CCDC88A: variants seen among roughly 807,000 people sequenced by gnomAD.
The protein encoded by CCDC88A is coiled-coil and HOOK domain protein 88A.
A neutral mutation model predicts 234.3 loss-of-function variants in CCDC88A; 54 were observed. The ratio of observed to expected loss-of-function variants is 0.23; its 90% CI spans 0.19 to 0.29. The LOEUF (loss-of-function observed/expected upper bound fraction) is 0.29, where lower values mean the gene tolerates loss of function less well. CCDC88A is among the 10% of genes least tolerant of loss of function. The pLI is 1.00. For synonymous variants in CCDC88A, 753 were observed against 737.8 expected, an observed-to-expected ratio of 1.02 and a Z score of -0.33; for missense variants, 1,832 against 2,123.4, an observed-to-expected ratio of 0.86 and a Z score of 2.70.
At chr2:55,346,591 T>C (rs1669140578) in intron 9 of CCDC88A, among the ~76,000 whole-genome samples, 1 of 152,118 alleles carries the variant, frequency 6.6e-6, no homozygotes, top group African/African-American at 2.4e-5. Flanking sequence ...GGCTAATTTT[T>C]GTATTTTTAG....
chr2:55,393,969 T>A (rs1393377968), intron 2 of CCDC88A, among the ~76,000 whole-genome samples: 3 of 152,180 alleles, frequency 2.0e-5, no homozygotes, highest in East Asian at 1.9e-4. Flanking sequence ...TTATTTTTTT[T>A]ATTTTTTTGA....
Position 55,383,710 on chromosome 2 carries a change from T to C in CCDC88A, c.273+5068A>G, listed in dbSNP as rs1054441159. ...TACATCTTCTCAGGGGCATATGACA[T>C]ACAAAAAATTTAAGTTTTCTACAGT... is the stretch of plus-strand genomic sequence containing the variant. On this transcript the variant is annotated intron_variant, in intron 3 of 32. Transcript: ENST00000436346. 4.0e-5 allele frequency among the ~76,000 whole-genome samples: 6 copies of C among 151,698 alleles called. No homozygotes were observed. In the South Asian group the frequency reaches 6.2e-4, roughly 16 times the overall value.
chr2:55,418,743 A>C, intron 2 of CCDC88A, 73 bp downstream of exon 2: 1 of 1,215,988 alleles, frequency 8.2e-7, no homozygotes, highest in Non-Finnish European at 1.2e-6. Context: ...GGGGCTTAAA[A>C]CATCGTGTCT....
In CCDC88A at chr2:55,362,425, C is replaced by T; in HGVS notation, c.510G>A (p.Val170=). Residue 170 remains valine (V), a synonymous_variant, in exon 7 of 33, where the codon GTG becomes GTA. Transcript: ENST00000436346. ...TCACTTCCATCCATTGCAGGTCAAA[C>T]ACATTTTCCTGATTATGAGTTACCT... is the stretch of plus-strand genomic sequence containing the variant. ...IQEVTHNQEN[V]FDLQWMEVTD... is the part of the protein sequence containing the mutation. The T allele has an allele frequency of 6.2e-7, 1 of 1,602,940 alleles. No homozygotes were observed. The highest frequency in any genetic ancestry group is 1.1e-5 in the South Asian group (1 of 88,120).
chr2:55,363,770 A>G (rs1488756146), intron 6 of CCDC88A, 180 bp downstream of exon 6: 4 of 473,876 alleles, frequency 8.4e-6, no homozygotes, highest in Non-Finnish European at 1.5e-5. Context: ...TGTAGTTAAC[A>G]GTGTGCCAAG....
intron 3 of CCDC88A, among the ~76,000 whole-genome samples, chr2:55,383,644 GAAATACTAAAATACT>G (rs1558785475): frequency 6.8e-6 from 1 of 147,456 alleles, no homozygotes; most frequent in Non-Finnish European, 1.5e-5. Context: ...AAAAAGAAAA[GAAATACTAAAATACT>G]AAATACTAAA....
At chr2:55,308,677 T>C in intron 25 of CCDC88A, 132 bp downstream of exon 25, 4 of 669,038 alleles carry the variant, frequency 6.0e-6, no homozygotes, top group Non-Finnish European at 5.1e-6. Flanking sequence ...CAGTACACAA[T>C]TAATTTTATG....
intron 16 of CCDC88A, among the ~76,000 whole-genome samples, chr2:55,330,328 C>T (rs1311169404): frequency 6.6e-6 from 1 of 151,478 alleles, no homozygotes; most frequent in Non-Finnish European, 1.5e-5. Flanking sequence ...ACAAAATTAG[C>T]CAGGCATGGT....
chr2:55,314,777 C>A (rs1682780916), intron 22 of CCDC88A: 2 of 152,200 alleles, frequency 1.3e-5, no homozygotes, highest in South Asian at 4.1e-4. Context: ...AAACTAGCAC[C>A]TGGATCAAGA....
intron 10 of CCDC88A, among the ~76,000 whole-genome samples, chr2:55,345,202 T>C (rs1209897058): frequency 6.6e-6 from 1 of 152,196 alleles, no homozygotes; most frequent in Non-Finnish European, 1.5e-5. Context: ...ATAATTAATA[T>C]GTACTTTATC....
At chr2:55,417,337 A>T (rs1681663009) in intron 2 of CCDC88A, 1 of 152,096 alleles carries the variant, frequency 6.6e-6, no homozygotes, top group African/African-American at 2.4e-5. Context: ...AAGCACAATA[A>T]AGAGACACAG....
At chr2:55,396,974 TTC>T (rs1217094949) in intron 2 of CCDC88A, among the ~76,000 whole-genome samples, 2 of 151,972 alleles carry the variant, frequency 1.3e-5, no homozygotes, top group Non-Finnish European at 2.9e-5. Flanking sequence ...ATATTCCCAA[TTC>T]TGTTTTCACA....
chr2:55,419,482 A>C lies in CCDC88A; in HGVS notation c.-403T>G. On this transcript the variant is annotated 5_prime_UTR_variant, in exon 1 of 33. The change creates a new upstream start codon in the 5' untranslated region. Coordinates refer to ENST00000436346, the MANE Select transcript of CCDC88A (RefSeq NM_001365480.1). ...ATCAATCCCAACGGGGGCTAAATGA[A>C]ATACGTTAAACAGAGACCACGTTAA... 5.1e-6 allele frequency: 1 copy of C among 195,576 alleles called. No homozygotes were observed. Among genetic ancestry groups the C allele is most frequent in the Non-Finnish European group, 1.1e-5 (1 of 94,022 alleles). 12.1% of individuals were successfully genotyped at this position (195,576 alleles called of 1,614,324 possible). A position where few individuals can be genotyped will look rare whatever the true frequency, so the allele number is the denominator to read the frequency against.
At position 55,312,597 on chromosome 2, in the gene CCDC88A, T is replaced by G; in HGVS notation, c.3934-18A>C. ...CTTAGCAACTGTTTAAACACAAACA[T>G]TTTTTAAAAAATCAACATTTACATT... On this transcript the variant is annotated intron_variant, in intron 22 of 32. Transcript: ENST00000436346. 1 of 1,574,764 alleles carries G rather than the reference T, an allele frequency of 6.4e-7. No homozygotes were observed. The highest frequency in any genetic ancestry group is 8.7e-7 in the Non-Finnish European group (1 of 1,153,418).
At chr2:55,348,745 C>G (rs1342753681) in intron 9 of CCDC88A, 2 of 152,082 alleles carry the variant, frequency 1.3e-5, no homozygotes, top group Non-Finnish European at 2.9e-5. Flanking sequence ...TAGAGAGAAC[C>G]AACACACGTA....
intron 2 of CCDC88A, among the ~76,000 whole-genome samples, chr2:55,413,609 T>C (rs574852904): frequency 6.6e-6 from 1 of 152,306 alleles, no homozygotes; most frequent in East Asian, 1.9e-4. Context: ...TGTCAAACAC[T>C]GTCCTAAGAA....
intron 31 of CCDC88A, chr2:55,294,663 G>A: frequency 1.0e-6 from 1 of 992,326 alleles, no homozygotes; most frequent in Non-Finnish European, 1.2e-6. Flanking sequence ...AGGAGGAAGG[G>A]AGGGAGGAAA....
Position 55,317,809 on chromosome 2 carries a change from G to C in CCDC88A, c.3357C>G (p.Thr1119=), listed in dbSNP as rs1424808486. The change falls in exon 20 of 33, where the codon ACC becomes ACG. Residue 1119 remains threonine, a synonymous_variant. Coordinates refer to ENST00000436346, the MANE Select transcript of CCDC88A (RefSeq NM_001365480.1). The surrounding 1 kb of genome is among the most constrained non-coding windows in gnomAD (Gnocchi z 4.2). ...VENSTLNSQS[T]SLMNQNAQLL... ...GTTGGGCATTCTGGTTCATGAGTGAGGTACTTTGGGAATTAAGGGTGGAAT... is the reference window on the plus strand; with the variant it reads ...GTTGGGCATTCTGGTTCATGAGTGACGTACTTTGGGAATTAAGGGTGGAAT... 1 of 1,606,212 alleles carries C rather than the reference G, an allele frequency of 6.2e-7. No homozygotes were observed. The highest frequency in any genetic ancestry group is 1.7e-5 in the Admixed American group (1 of 59,788).
intron 3 of CCDC88A, among the ~76,000 whole-genome samples, chr2:55,388,005 A>C (rs1456918625): frequency 6.6e-6 from 1 of 152,130 alleles, no homozygotes. Context: ...CAAATCAACA[A>C]GGCTGTAAAA....
Sources: allele counts gnomAD v4.1 joint callset (sites outside exome capture counted in the v4.1 genomes callset), GRCh38; gene constraint gnomAD v4.1.1; non-coding constraint Gnocchi (gnomAD v3.1); transcripts MANE v1.5; gene names NCBI Gene and HGNC (gene_info 2026-07-23, HGNC 2026-07-21).